Variants in FTO observed in about 807,000 individuals in gnomAD.
FTO encodes the protein FTO alpha-ketoglutarate dependent dioxygenase.
In FTO, 47 loss-of-function variants were observed where a neutral mutation model predicts 63.9. The ratio of observed to expected loss-of-function variants is 0.74; its 90% confidence interval spans 0.58 to 0.94. The LOEUF (loss-of-function observed/expected upper bound fraction) is 0.94. Ranked by LOEUF, FTO falls within the 40% of genes least tolerant of loss-of-function variation. The probability of loss-of-function intolerance (pLI) is 0.00; values close to 1 mark genes in which losing one functional copy is unlikely to be tolerated. For synonymous variants in FTO, 207 were observed against 224.4 expected, an observed-to-expected ratio of 0.92 and a Z score of 0.69; for missense variants, 562 against 618.1, an observed-to-expected ratio of 0.91 and a Z score of 0.96.
intron 1 of FTO, among the ~76,000 whole-genome samples, chr16:53,718,765 G>C (rs1231943410): frequency 6.6e-6 from 1 of 151,966 alleles, no homozygotes; most frequent in Admixed American, 6.6e-5. Flanking sequence ...TAATTTATTA[G>C]ACTTTCTAAT....
intron 8 of FTO, among the ~76,000 whole-genome samples, chr16:53,982,089 C>T (rs186262729): frequency 7.1e-6 from 1 of 140,732 alleles, no homozygotes; most frequent in Non-Finnish European, 1.5e-5. Context: ...AAAAAAAAAA[C>T]AAAAAACAAG....
At chr16:53,719,133 T>TA (rs527465252) in intron 1 of FTO, among the ~76,000 whole-genome samples, 56 of 152,330 alleles carry the variant, frequency 3.7e-4, no homozygotes, top group Admixed American at 1.8e-3. Flanking sequence ...GCTAGTATCA[T>TA]AAAATGACTT....
intron 1 of FTO, among the ~76,000 whole-genome samples, chr16:53,738,397 C>T (rs1475644396): frequency 2.0e-5 from 3 of 152,176 alleles, no homozygotes; most frequent in Non-Finnish European, 4.4e-5. Flanking sequence ...CCTCCTCGGC[C>T]TCCCAAAGTG....
intron 1 of FTO, among the ~76,000 whole-genome samples, chr16:53,749,633 G>GT (rs369302579): frequency 3.3e-5 from 5 of 151,992 alleles, no homozygotes; most frequent in African/African-American, 9.6e-5. Context: ...TAGAGACGGG[G>GT]TTTCACCGTG....
In FTO at chr16:54,116,386, A is replaced by G. The variant is rs1299622518; in HGVS notation, c.*4471A>G. The G allele has an allele frequency of 1.3e-5, 2 of 152,186 alleles. No individual in the cohort carries two copies. Among genetic ancestry groups the G allele is most frequent in the Non-Finnish European group, 2.9e-5 (2 of 68,046 alleles). 9.4% of individuals were successfully genotyped at this position (152,186 alleles called of 1,614,324 possible). On this transcript the variant is annotated 3_prime_UTR_variant, in exon 9 of 9. Transcript: ENST00000471389. ...GTTTGAAAAGGCAATTCTCATCCAG[A>G]CAGATTCAGATGGAGAGGAGCGGTG...
intron 1 of FTO, among the ~76,000 whole-genome samples, chr16:53,788,309 T>C (rs2077804371): frequency 6.6e-6 from 1 of 152,094 alleles, no homozygotes; most frequent in Non-Finnish European, 1.5e-5. Flanking sequence ...TGATACAGAA[T>C]TGACCTTATT....
At chr16:54,027,380 C>G (rs1165088761) in intron 8 of FTO, among the ~76,000 whole-genome samples, 1 of 152,038 alleles carries the variant, frequency 6.6e-6, no homozygotes, top group Non-Finnish European at 1.5e-5. Context: ...TTCGATTTAT[C>G]CTGAGTCATA....
chr16:54,108,732 A>G (rs1567576431), intron 8 of FTO, among the ~76,000 whole-genome samples: 1 of 152,148 alleles, frequency 6.6e-6, no homozygotes, highest in African/African-American at 2.4e-5. Flanking sequence ...CTTCACATCA[A>G]CCCCATAAGT....
chr16:54,084,778 C>T (rs548035106), intron 8 of FTO, among the ~76,000 whole-genome samples: 5 of 152,230 alleles, frequency 3.3e-5, no homozygotes, highest in African/African-American at 1.2e-4. Context: ...TTTACAGAGG[C>T]CGGGCGGGGA....
chr16:53,710,778 G>A (rs759806310), intron 1 of FTO, among the ~76,000 whole-genome samples: 1 of 152,190 alleles, frequency 6.6e-6, no homozygotes. Context: ...TAAGTATCTG[G>A]TAACAGTGGG....
At chr16:53,811,713 A>G (rs2078529551) in intron 2 of FTO, among the ~76,000 whole-genome samples, 1 of 151,766 alleles carries the variant, frequency 6.6e-6, no homozygotes, top group Non-Finnish European at 1.5e-5. Context: ...TTTTATCCAC[A>G]CTGGATTTTT....
At chr16:53,777,246 T>G (rs2077482010) in intron 1 of FTO, among the ~76,000 whole-genome samples, 1 of 152,194 alleles carries the variant, frequency 6.6e-6, no homozygotes, top group South Asian at 2.1e-4. Context: ...GCAATTACTG[T>G]TCTGCTCTCT....
At chr16:54,015,273 G>A (rs187063293) in intron 8 of FTO, among the ~76,000 whole-genome samples, 4 of 152,312 alleles carry the variant, frequency 2.6e-5, no homozygotes, top group Non-Finnish European at 2.9e-5. Flanking sequence ...TTCATGTAAA[G>A]TATTAAACAT....
intron 2 of FTO, among the ~76,000 whole-genome samples, chr16:53,823,105 A>G (rs2078910554): frequency 6.6e-6 from 1 of 151,796 alleles, no homozygotes; most frequent in Non-Finnish European, 1.5e-5. Context: ...ATCTTCGCCT[A>G]CTCCAATCTG....
At chr16:54,099,953 C>T (rs754148289) in intron 8 of FTO, among the ~76,000 whole-genome samples, 2 of 152,144 alleles carry the variant, frequency 1.3e-5, no homozygotes, top group Admixed American at 6.5e-5. Context: ...ACACGTATGT[C>T]TCCCCCACCG....
intron 8 of FTO, among the ~76,000 whole-genome samples, chr16:53,960,614 C>T (rs1484906623): frequency 6.6e-6 from 1 of 151,452 alleles, no homozygotes; most frequent in Non-Finnish European, 1.5e-5. Context: ...GTGGTTCTGT[C>T]AGTGTAATAT....
intron 8 of FTO, among the ~76,000 whole-genome samples, chr16:53,958,312 A>G (rs186819254): frequency 6.7e-4 from 102 of 152,302 alleles, no homozygotes; most frequent in South Asian, 1.0e-3. Context: ...ACTTGTGAGT[A>G]TAGTTTCTTA....
intron 5 of FTO, among the ~76,000 whole-genome samples, chr16:53,874,402 C>T (rs2080588438): frequency 6.6e-6 from 1 of 152,076 alleles, no homozygotes; most frequent in Non-Finnish European, 1.5e-5. Flanking sequence ...TGCAATGGCC[C>T]ATGGTTAGCT....
intron 1 of FTO, among the ~76,000 whole-genome samples, chr16:53,734,063 G>C (rs1166963253): frequency 6.6e-6 from 1 of 152,196 alleles, no homozygotes; most frequent in East Asian, 1.9e-4. Flanking sequence ...TACAAAGTAA[G>C]TAGAATGGAA....
Sources: allele counts gnomAD v4.1 joint callset (sites outside exome capture counted in the v4.1 genomes callset), GRCh38; gene constraint gnomAD v4.1.1; transcripts MANE v1.5; gene names NCBI Gene and HGNC (gene_info 2026-07-23, HGNC 2026-07-21).